The following SDC2 variants were observed in gnomAD, a reference collection of about 807,000 sequenced individuals.
SDC2 encodes syndecan-2.
Under a neutral mutation model 22.2 loss-of-function variants are expected in SDC2, and 13 were observed. That is an observed-to-expected ratio of 0.59 (90% CI 0.38 to 0.93). The LOEUF (loss-of-function observed/expected upper bound fraction) is 0.93, where lower values mean the gene tolerates loss of function less well. Among genes scored for constraint, SDC2 ranks in the 40% least tolerant of loss-of-function variants. The pLI is 0.00. For missense variants in SDC2, 235 were observed against 246.8 expected, an observed-to-expected ratio of 0.95 and a Z score of 0.32; for synonymous variants, 94 against 92.8, an observed-to-expected ratio of 1.01 and a Z score of -0.07.
At chr8:96,511,181 C>T (rs73698103) in intron 1 of SDC2, among the ~76,000 whole-genome samples, 1,981 of 152,236 alleles carry the variant, frequency 0.013, 49 homozygotes, top group African/African-American at 0.045. Flanking sequence ...CTCTGAGCTA[C>T]GGTTCTCACC....
At chr8:96,512,131 C>T (rs1345966807) in intron 1 of SDC2, among the ~76,000 whole-genome samples, 1 of 152,192 alleles carries the variant, frequency 6.6e-6, no homozygotes, top group Admixed American at 6.5e-5. Context: ...TAACATGTCA[C>T]TTACACTTAT....
At chr8:96,558,508 G>C (rs1182870040) in intron 1 of SDC2, among the ~76,000 whole-genome samples, 1 of 152,134 alleles carries the variant, frequency 6.6e-6, no homozygotes, top group Non-Finnish European at 1.5e-5. Flanking sequence ...ATAACTAAAT[G>C]TCTATACCTA....
At chr8:96,556,790 A>C (rs1422973657) in intron 1 of SDC2, among the ~76,000 whole-genome samples, 1 of 150,880 alleles carries the variant, frequency 6.6e-6, no homozygotes, top group Non-Finnish European at 1.5e-5. Flanking sequence ...TAATTAAACT[A>C]AAGAGCTTCT....
rs537867279 is a variant in SDC2, at chr8:96,604,674, C to T, written c.306+2146C>T. On this transcript the variant is annotated intron_variant, in intron 3 of 4. Coordinates refer to ENST00000302190, the MANE Select transcript of SDC2 (RefSeq NM_002998.4). ...TCTAGTTTGTTGTAAATTTAAGTGA[C>T]TAAAATGCACAAAAGGGAATCTCGT... 1.2e-4 allele frequency among the ~76,000 whole-genome samples: 19 copies of T among 152,234 alleles called. No individual in the cohort carries two copies. In the East Asian group the frequency reaches 2.1e-3, roughly 17 times the overall value.
In SDC2 at chr8:96,573,461, T is replaced by C. The variant is rs574243205; in HGVS notation, c.61-20019T>C. Reference sequence around the variant, plus strand: ...CAAAATGGGGCTAATACCTGCGGCGTTGGATGCTGGGAGGATTTTGAGGTC... The same window carrying C: ...CAAAATGGGGCTAATACCTGCGGCGCTGGATGCTGGGAGGATTTTGAGGTC... On this transcript the variant is annotated intron_variant, in intron 1 of 4. Coordinates refer to ENST00000302190, the MANE Select transcript of SDC2 (RefSeq NM_002998.4). Among the ~76,000 whole-genome samples the C allele has an allele frequency of 4.6e-5, 7 of 151,908 alleles. No homozygotes were observed. In the East Asian group the frequency reaches 1.2e-3, roughly 25 times the overall value.
chr8:96,507,902 G>A (rs540333809), intron 1 of SDC2, among the ~76,000 whole-genome samples: 1 of 152,266 alleles, frequency 6.6e-6, no homozygotes, highest in African/African-American at 2.4e-5. Flanking sequence ...GGTGGCTCAC[G>A]CCTGTAATCC....
intron 1 of SDC2, among the ~76,000 whole-genome samples, chr8:96,511,345 C>T (rs1813324252): frequency 6.6e-6 from 1 of 152,170 alleles, no homozygotes; most frequent in African/African-American, 2.4e-5. Flanking sequence ...CCCAGACCAG[C>T]AGTGTGGGCA....
At chr8:96,586,882 T>C (rs1487119908) in intron 1 of SDC2, among the ~76,000 whole-genome samples, 1 of 152,198 alleles carries the variant, frequency 6.6e-6, no homozygotes, top group Non-Finnish European at 1.5e-5. Context: ...TTAAGAACTA[T>C]TTAAGATGTT....
chr8:96,603,426 C>T (rs941227308), intron 3 of SDC2, among the ~76,000 whole-genome samples: 1 of 152,184 alleles, frequency 6.6e-6, no homozygotes, highest in African/African-American at 2.4e-5. Flanking sequence ...GTAGACTTTG[C>T]AATCAGTGCA....
chr8:96,550,277 G>A (rs976418007), intron 1 of SDC2, among the ~76,000 whole-genome samples: 9 of 152,254 alleles, frequency 5.9e-5, no homozygotes, highest in Admixed American at 1.3e-4. Context: ...GAGCACTGAC[G>A]TGACACACAA....
chr8:96,589,410 GTTTGTTGT>G (rs1814740291), intron 1 of SDC2, among the ~76,000 whole-genome samples: 2 of 149,394 alleles, frequency 1.3e-5, no homozygotes, highest in Admixed American at 6.7e-5. Flanking sequence ...TTGTTTGTTT[GTTTGTTGT>G]TTGTTTTTTG....
At chr8:96,495,500 G>T (rs1367904717) in intron 1 of SDC2, among the ~76,000 whole-genome samples, 1 of 151,304 alleles carries the variant, frequency 6.6e-6, no homozygotes, top group Non-Finnish European at 1.5e-5. Flanking sequence ...TGCAGCCTCA[G>T]TGCCCTCTGG....
chr8:96,526,689 C>A (rs535566392), intron 1 of SDC2, among the ~76,000 whole-genome samples: 1 of 151,282 alleles, frequency 6.6e-6, no homozygotes, highest in African/African-American at 2.4e-5. Flanking sequence ...TTTTTAAGGG[C>A]CTTCATAAAT....
Position 96,493,947 on chromosome 8 carries a change from G to A in SDC2, c.-325G>A, listed in dbSNP as rs1217137846. ...AACTGAACCTCGGCACGGGAAAGGA[G>A]TCCGCGGAGGAGCAAAACCACAGCA... On this transcript the variant is annotated 5_prime_UTR_variant, in exon 1 of 5. Transcript: ENST00000302190. The A allele has an allele frequency of 7.6e-6, 3 of 392,772 alleles. No homozygotes were observed. Among genetic ancestry groups the A allele is most frequent in the Non-Finnish European group, 1.4e-5 (3 of 221,096 alleles). The allele number at this position is 392,772 out of a possible 1,614,324, so 24.3% of individuals were successfully genotyped here.
At chr8:96,574,540 A>T (rs1482647655) in intron 1 of SDC2, among the ~76,000 whole-genome samples, 1 of 152,170 alleles carries the variant, frequency 6.6e-6, no homozygotes, top group Non-Finnish European at 1.5e-5. Context: ...ACAACCAGGC[A>T]AGATCAGTTA....
At chr8:96,585,331 G>A (rs1466058233) in intron 1 of SDC2, among the ~76,000 whole-genome samples, 1 of 152,152 alleles carries the variant, frequency 6.6e-6, no homozygotes, top group Admixed American at 6.6e-5. Context: ...GGGTGAAAAG[G>A]TTTAGTTTCC....
intron 3 of SDC2, among the ~76,000 whole-genome samples, chr8:96,607,869 T>C (rs530003580): frequency 2.0e-5 from 3 of 151,692 alleles, no homozygotes; most frequent in Non-Finnish European, 4.4e-5. Context: ...CCCCACAGAG[T>C]GGGGACAGGA....
At chr8:96,585,617 T>C (rs183023848) in intron 1 of SDC2, among the ~76,000 whole-genome samples, 4 of 152,258 alleles carry the variant, frequency 2.6e-5, no homozygotes, top group Admixed American at 2.6e-4. Context: ...AATAAGCATA[T>C]GAGATCTTTC....
intron 1 of SDC2, among the ~76,000 whole-genome samples, chr8:96,550,344 T>A (rs1814007365): frequency 6.6e-6 from 1 of 152,184 alleles, no homozygotes; most frequent in African/African-American, 2.4e-5. Context: ...GATTCTCAGC[T>A]GGTGAGGATA....
Sources: gnomAD v4.1 joint callset for allele counts (sites outside exome capture counted in the v4.1 genomes callset) on GRCh38, gnomAD v4.1.1 for gene constraint, MANE v1.5 for transcripts, NCBI Gene and HGNC (gene_info 2026-07-23, HGNC 2026-07-21) for gene names.